Variants in ARID4A observed in about 807,000 individuals in gnomAD.
ARID4A encodes the protein AT-rich interaction domain 4A.
In ARID4A, 39 loss-of-function variants were observed where a neutral mutation model predicts 148.6. The observed-to-expected ratio is 0.26, with a 90% CI of 0.20 to 0.34. The LOEUF is 0.34. Among genes scored for constraint, ARID4A ranks in the 10% least tolerant of loss-of-function variants. ARID4A has a pLI of 1.00. For synonymous variants in ARID4A, 475 were observed against 481.2 expected, an observed-to-expected ratio of 0.99 and a Z score of 0.17; for missense variants, 1,265 against 1,449.1, an observed-to-expected ratio of 0.87 and a Z score of 2.06.
At chr14:58,342,917 A>G (rs1170228239) in intron 11 of ARID4A, among the ~76,000 whole-genome samples, 1 of 152,200 alleles carries the variant, frequency 6.6e-6, no homozygotes, top group Non-Finnish European at 1.5e-5. Context: ...GTCTTTAAAA[A>G]AAAAAAAATA....
At position 58,306,056 on chromosome 14, in the gene ARID4A, G is replaced by A; in HGVS notation, c.218G>A (p.Gly73Glu). Residue 73 changes from glycine (G) to glutamate (E), a missense_variant, in exon 5 of 24, where the codon GGA becomes GAA. Coordinates refer to ENST00000355431, the MANE Select transcript of ARID4A (RefSeq NM_002892.4). The stretch of plus-strand genomic sequence containing the variant: ...ATTGTTGAAACAAGGACATCTGATG[G>A]ATCTTTTCAGGAAGCTATTATCAGC... ...GAIVETRTSD[G>E]SFQEAIISKL... 6.2e-7 allele frequency: 1 copy of A among 1,613,606 alleles called. No homozygotes were observed.
In ARID4A at chr14:58,323,536, G is replaced by A. The variant is rs1378442124; in HGVS notation, c.501G>A (p.Lys167=). The change falls in exon 8 of 24, where the codon AAG becomes AAA. Residue 167 remains lysine (K), a synonymous_variant. Coordinates refer to ENST00000355431, the MANE Select transcript of ARID4A (RefSeq NM_002892.4). Reference sequence around the variant, plus strand: ...GCAGTGAAGAGGAAGATGAAGACAAGCGCCGTCTCAATGATGAATTACTAG... The same window carrying A: ...GCAGTGAAGAGGAAGATGAAGACAAACGCCGTCTCAATGATGAATTACTAG... ...EESSEEEDED[K]RRLNDELLGK... is the part of the protein sequence containing the mutation. The A allele has an allele frequency of 6.2e-7, 1 of 1,614,106 alleles. No homozygotes were observed. The highest frequency in any genetic ancestry group is 8.5e-7 in the Non-Finnish European group (1 of 1,180,002).
At chr14:58,329,192 T>C in intron 9 of ARID4A, among the ~76,000 whole-genome samples, 1 of 152,156 alleles carries the variant, frequency 6.6e-6, no homozygotes, top group East Asian at 1.9e-4. Flanking sequence ...GAAAAATAAA[T>C]TTCACAAATA....
At chr14:58,341,970 A>G (rs2034138175) in intron 11 of ARID4A, among the ~76,000 whole-genome samples, 1 of 152,234 alleles carries the variant, frequency 6.6e-6, no homozygotes, top group Admixed American at 6.5e-5. Flanking sequence ...GAAAGATGCA[A>G]CAGTGCCAGG....
At chr14:58,367,818 A>G (rs2035421746) in intron 23 of ARID4A, among the ~76,000 whole-genome samples, 1 of 152,224 alleles carries the variant, frequency 6.6e-6, no homozygotes, top group African/African-American at 2.4e-5. Flanking sequence ...AAATGTCAAC[A>G]GTATATCTTT....
chr14:58,312,779 C>G (rs2032138652), intron 5 of ARID4A, among the ~76,000 whole-genome samples: 3 of 152,108 alleles, frequency 2.0e-5, no homozygotes, highest in Non-Finnish European at 2.9e-5. Flanking sequence ...CATCAGTTAA[C>G]TTTCTGATTC....
At chr14:58,322,806 A>G (rs2032976238) in intron 7 of ARID4A, among the ~76,000 whole-genome samples, 1 of 151,526 alleles carries the variant, frequency 6.6e-6, no homozygotes, top group South Asian at 2.1e-4. Flanking sequence ...TACTAAAAAT[A>G]CAAAAATTAG....
intron 11 of ARID4A, among the ~76,000 whole-genome samples, chr14:58,336,084 A>C (rs974494292): frequency 5.9e-5 from 9 of 152,188 alleles, no homozygotes; most frequent in African/African-American, 2.2e-4. Flanking sequence ...TTAGGGAACA[A>C]AAGAGGTTGT....
chr14:58,323,662 T>G (rs1386385014), intron 8 of ARID4A, 45 bp downstream of exon 8: 73 of 1,503,484 alleles, frequency 4.9e-5, no homozygotes, highest in Non-Finnish European at 6.4e-5. Context: ...TCTAAATATT[T>G]GTTTTAAATG....
intron 16 of ARID4A, among the ~76,000 whole-genome samples, chr14:58,351,984 C>T (rs767860838): frequency 7.2e-5 from 11 of 152,128 alleles, no homozygotes; most frequent in Non-Finnish European, 1.6e-4. Flanking sequence ...TAGTCTCTGA[C>T]CAAGTTATTA....
At chr14:58,324,232 T>A (rs1002609898) in intron 8 of ARID4A, among the ~76,000 whole-genome samples, 1 of 152,162 alleles carries the variant, frequency 6.6e-6, no homozygotes, top group Non-Finnish European at 1.5e-5. Flanking sequence ...CTTTCTTTAC[T>A]GTTAATTCAG....
intron 16 of ARID4A, among the ~76,000 whole-genome samples, chr14:58,353,204 A>G (rs144547143): frequency 0.014 from 2,160 of 152,290 alleles, 62 homozygotes; most frequent in African/African-American, 0.049. Flanking sequence ...AATATCCTTA[A>G]ATCTTTTTTT....
At chr14:58,358,759 G>A (rs1281985121) in intron 17 of ARID4A, among the ~76,000 whole-genome samples, 3 of 152,162 alleles carry the variant, frequency 2.0e-5, no homozygotes, top group Admixed American at 2.0e-4. Flanking sequence ...ATCTGACTTA[G>A]CTTTCTATTA....
At chr14:58,363,016 G>GT (rs2035201606) in intron 19 of ARID4A, among the ~76,000 whole-genome samples, 1 of 152,210 alleles carries the variant, frequency 6.6e-6, no homozygotes, top group Non-Finnish European at 1.5e-5. Flanking sequence ...GCTGACAAAT[G>GT]TTTAAGATGT....
Position 58,364,246 on chromosome 14 carries a change from T to C in ARID4A, c.2157T>C (p.Asp719=). The change falls in exon 20 of 24, where the codon GAT becomes GAC. Residue 719 remains aspartate (D), a synonymous_variant. Coordinates refer to ENST00000355431, the MANE Select transcript of ARID4A (RefSeq NM_002892.4). ...TAAATGAAGAACTTTCTCTTAAAGA[T>C]GAACTAGAAAAAAATGAAAATTTGA... ...NLINEELSLK[D]ELEKNENLND... is the part of the protein sequence containing the mutation. 2 of 1,530,326 alleles carry C rather than the reference T, an allele frequency of 1.3e-6. No individual in the cohort carries two copies. The highest frequency in any genetic ancestry group is 8.7e-7 in the Non-Finnish European group (1 of 1,146,162). The allele number at this position is 1,530,326 out of a possible 1,614,324, so 94.8% of individuals were successfully genotyped here. A position where few individuals can be genotyped will look rare whatever the true frequency, so the allele number is the denominator to read the frequency against.
At chr14:58,344,798 C>A (rs553841070) in intron 12 of ARID4A, 31 bp downstream of exon 12, 5 of 1,511,076 alleles carry the variant, frequency 3.3e-6, no homozygotes, top group South Asian at 1.2e-5. Flanking sequence ...TTAAAGTAGT[C>A]ATTTCTTTTT....
chr14:58,359,107 C>CTT (rs752553814), intron 17 of ARID4A, 25 bp from the exon 18 acceptor site: 13,924 of 1,286,226 alleles, frequency 0.011, 45 homozygotes, highest in African/African-American at 0.042. Context: ...TGTACAAACT[C>CTT]TTTTTTTTTT....
In ARID4A at chr14:58,364,794, A is replaced by C; in HGVS notation, c.2705A>C (p.Gln902Pro). The C allele has an allele frequency of 6.2e-7, 1 of 1,614,178 alleles. No individual in the cohort carries two copies. Among genetic ancestry groups the C allele is most frequent in the Non-Finnish European group, 8.5e-7 (1 of 1,180,022 alleles). Residue 902 changes from glutamine (Q) to proline (P), a missense_variant, in exon 20 of 24, where the codon CAG becomes CCG. This residue lies in a region of ARID4A where 666 missense variants were observed against 730.9 expected (regional missense o/e 0.91). Transcript: ENST00000355431. ...GGAATGAAAAACTTAAATTTTGAACAGCACTTTGAAAGAGAAAATGAAGGA... is the reference window on the plus strand; with the variant it reads ...GGAATGAAAAACTTAAATTTTGAACCGCACTTTGAAAGAGAAAATGAAGGA... ...SEGMKNLNFE[Q>P]HFERENEGMP...
intron 4 of ARID4A, 91 bp downstream of exon 4, chr14:58,305,100 A>G: frequency 9.2e-7 from 1 of 1,081,376 alleles, no homozygotes; most frequent in Non-Finnish European, 1.3e-6. Context: ...TTAACATTTT[A>G]TGAGAACGTT....
Sources: gnomAD v4.1 joint callset for allele counts (sites outside exome capture counted in the v4.1 genomes callset) on GRCh38, gnomAD v4.1.1 for gene constraint, gnomAD v4.1.1 regional missense constraint, MANE v1.5 for transcripts, NCBI Gene and HGNC (gene_info 2026-07-23, HGNC 2026-07-21) for gene names.